ARFGEF3: variants seen among roughly 807,000 people sequenced by gnomAD.
ARFGEF3 encodes the protein brefeldin A-inhibited guanine nucleotide-exchange protein 3.
A neutral mutation model predicts 221.7 loss-of-function variants in ARFGEF3; 96 were observed. That is an observed-to-expected ratio of 0.43 (90% CI 0.37 to 0.51). The LOEUF is 0.51. Ranked by LOEUF, ARFGEF3 falls within the 20% of genes least tolerant of loss-of-function variation. The probability of loss-of-function intolerance (pLI) is 0.00; values close to 1 mark genes in which losing one functional copy is unlikely to be tolerated. For synonymous variants in ARFGEF3, 1,145 were observed against 1,126.8 expected (o/e 1.02, Z -0.32); for missense variants, 2,410 against 2,789.9 (o/e 0.86, Z 3.07).
chr6:138,199,873 CTCT>C (rs957535230), intron 2 of ARFGEF3, among the ~76,000 whole-genome samples: 2 of 152,120 alleles, frequency 1.3e-5, no homozygotes, highest in Non-Finnish European at 2.9e-5. Flanking sequence ...TTATTTCTTC[CTCT>C]TGTCTGATAG....
At chr6:138,263,707 C>T (rs1306057008) in intron 12 of ARFGEF3, 96 bp downstream of exon 12, 1 of 1,146,446 alleles carries the variant, frequency 8.7e-7, no homozygotes, top group Non-Finnish European at 1.2e-6. Flanking sequence ...TTGACGTGCT[C>T]AAAGCATATT....
Position 138,179,193 on chromosome 6 carries a change from T to C in ARFGEF3, c.137+8480T>C, listed in dbSNP as rs140620235. Among the ~76,000 whole-genome samples, 282 of 152,344 alleles carry C rather than the reference T, an allele frequency of 1.9e-3. 2 individuals are homozygous for C. Among genetic ancestry groups the C allele is most frequent in the African/African-American group, 5.9e-3 (245 of 41,576 alleles). ...CCTATCCTGTCCCAATTCAGGATTG[T>C]CTCTTTCTTCCTTCCAGGTCACTTG... On this transcript the variant is annotated intron_variant, in intron 2 of 33. Transcript: ENST00000251691.
intron 20 of ARFGEF3, among the ~76,000 whole-genome samples, chr6:138,294,650 G>A (rs951223005): frequency 7.2e-5 from 11 of 152,200 alleles, no homozygotes; most frequent in Admixed American, 6.5e-4. Context: ...CTCCAATGAG[G>A]CCAGGTGAAG....
chr6:138,279,884 C>G (rs763924200), intron 13 of ARFGEF3, 115 bp from the exon 14 acceptor site: 40 of 1,016,696 alleles, frequency 3.9e-5, no homozygotes, highest in Non-Finnish European at 5.6e-5. Flanking sequence ...TTACCCAATA[C>G]ACAAGCCTTG....
chr6:138,311,441 C>T lies in ARFGEF3; in HGVS notation c.4131C>T (p.Ala1377=). ...ACTGTAAAGAGATTGGAGACTGTGC[C>T]CCAGCACCCGGAGCCCCGTCCACAG... The part of the protein sequence containing the change: ...EVDCKEIGDC[A]PAPGAPSTDL... The change falls in exon 25 of 34, where the codon GCC becomes GCT. Residue 1377 remains alanine (A), a synonymous_variant. Coordinates refer to ENST00000251691, the MANE Select transcript of ARFGEF3 (RefSeq NM_020340.5). 1 of 1,608,652 alleles carries T rather than the reference C, an allele frequency of 6.2e-7. No homozygotes were observed.
chr6:138,176,181 ATT>A (rs3044799), intron 2 of ARFGEF3, among the ~76,000 whole-genome samples: 108 of 136,930 alleles, frequency 7.9e-4, no homozygotes, highest in African/African-American at 2.2e-3. Flanking sequence ...TGGTAGTTGG[ATT>A]TTTTTTTTTT....
intron 10 of ARFGEF3, among the ~76,000 whole-genome samples, chr6:138,260,781 T>G (rs1778777567): frequency 6.6e-6 from 1 of 151,882 alleles, no homozygotes; most frequent in South Asian, 2.1e-4. Context: ...AATAAAAATT[T>G]CAAAACAGGT....
intron 29 of ARFGEF3, among the ~76,000 whole-genome samples, chr6:138,323,067 T>C (rs968280076): frequency 1.3e-5 from 2 of 151,944 alleles, no homozygotes; most frequent in Admixed American, 6.6e-5. Flanking sequence ...AGAGGAGTGA[T>C]GGAAAATGGA....
chr6:138,314,033 TTGTC>T (rs1203309853), intron 26 of ARFGEF3, 94 bp downstream of exon 26: 12 of 1,291,622 alleles, frequency 9.3e-6, no homozygotes, highest in Middle Eastern at 1.9e-4. Context: ...CTTCTGGGAA[TTGTC>T]TTAGTCCATT....
Position 138,337,736 on chromosome 6 carries a change from G to A in ARFGEF3, c.*1250G>A, listed in dbSNP as rs1388544081. The A allele has an allele frequency of 1.3e-5, 2 of 152,060 alleles. No homozygotes were observed. Among genetic ancestry groups the A allele is most frequent in the Admixed American group, 6.5e-5 (1 of 15,274 alleles). 9.4% of individuals were successfully genotyped at this position (152,060 alleles called of 1,614,324 possible). A position where few individuals can be genotyped will look rare whatever the true frequency, so the allele number is the denominator to read the frequency against. On this transcript the variant is annotated 3_prime_UTR_variant, in exon 34 of 34. Coordinates refer to ENST00000251691, the MANE Select transcript of ARFGEF3 (RefSeq NM_020340.5). Reference sequence around the variant, plus strand: ...CAATATTTCAGGTGGATATTTCTAAGTATTACTAGAAAATACGTTTGAAAG... The same window carrying A: ...CAATATTTCAGGTGGATATTTCTAAATATTACTAGAAAATACGTTTGAAAG...
intron 11 of ARFGEF3, 108 bp from the exon 12 acceptor site, chr6:138,262,589 ACTAT>A (rs1350941219): frequency 2.1e-5 from 22 of 1,071,724 alleles, no homozygotes; most frequent in African/African-American, 4.8e-5. Context: ...TTCAAATCAG[ACTAT>A]CTGTTTTGAA....
intron 4 of ARFGEF3, among the ~76,000 whole-genome samples, chr6:138,211,993 A>G (rs1777736853): frequency 6.6e-6 from 1 of 152,242 alleles, no homozygotes; most frequent in Non-Finnish European, 1.5e-5. Context: ...AAAGAAAAAC[A>G]ATGAATCTGT....
At chr6:138,328,266 G>A in intron 32 of ARFGEF3, 124 bp downstream of exon 32, 1 of 1,199,662 alleles carries the variant, frequency 8.3e-7, no homozygotes, top group Non-Finnish European at 1.1e-6. Flanking sequence ...GAGTCATTTA[G>A]CAAAGGTTTT....
Position 138,236,298 on chromosome 6 carries a change from T to C in ARFGEF3, c.421-2211T>C, listed in dbSNP as rs73774696. Among the ~76,000 whole-genome samples, 1,191 of 152,298 alleles carry C rather than the reference T, an allele frequency of 7.8e-3. 11 individuals are homozygous for C. Among genetic ancestry groups the C allele is most frequent in the African/African-American group, 0.026 (1,090 of 41,556 alleles). On this transcript the variant is annotated intron_variant, in intron 5 of 33. Transcript: ENST00000251691. ...TGGCAGAGCTTATAGATCTTGAAGA[T>C]CAACAGTTATAAAGATTTCTGGGGA...
In ARFGEF3 at chr6:138,338,166, T is replaced by C. The variant is rs1780365392; in HGVS notation, c.*1680T>C. The stretch of plus-strand genomic sequence containing the variant: ...TCAGTTTTTACTCACTAGACAATAA[T>C]TCAAGTTTAGAAACAGGTAATCAGC... On this transcript the variant is annotated 3_prime_UTR_variant, in exon 34 of 34. Coordinates refer to ENST00000251691, the MANE Select transcript of ARFGEF3 (RefSeq NM_020340.5). 1 of 152,246 alleles carries C rather than the reference T, an allele frequency of 6.6e-6. No individual in the cohort carries two copies. Among genetic ancestry groups the C allele is most frequent in the African/African-American group, 2.4e-5 (1 of 41,464 alleles). The allele number at this position is 152,246 out of a possible 1,614,324, so 9.4% of individuals were successfully genotyped here. A position where few individuals can be genotyped will look rare whatever the true frequency, so the allele number is the denominator to read the frequency against.
At position 138,336,651 on chromosome 6, in the gene ARFGEF3, T is replaced by C. The variant is rs1780331458; in HGVS notation, c.*165T>C. ...AAGCCTTTCCAACCACTGATCAGCA[T>C]TGGGGCCATACTAAGGTTTGTATCT... On this transcript the variant is annotated 3_prime_UTR_variant, in exon 34 of 34. Transcript: ENST00000251691. The C allele has an allele frequency of 1.9e-6, 1 of 514,814 alleles. No homozygotes were observed. The highest frequency in any genetic ancestry group is 3.4e-6 in the Non-Finnish European group (1 of 296,184). The allele number at this position is 514,814 out of a possible 1,614,324, so 31.9% of individuals were successfully genotyped here.
Position 138,186,978 on chromosome 6 carries a change from C to T in ARFGEF3, c.137+16265C>T, listed in dbSNP as rs550529714. 4.2e-3 allele frequency among the ~76,000 whole-genome samples: 531 copies of T among 125,888 alleles called. 2 individuals are homozygous for T. The highest frequency in any genetic ancestry group is 0.029 in the Middle Eastern group (5 of 170). 82.6% of individuals were successfully genotyped at this position (125,888 alleles called of 152,430 possible). On this transcript the variant is annotated intron_variant, in intron 2 of 33. Coordinates refer to ENST00000251691, the MANE Select transcript of ARFGEF3 (RefSeq NM_020340.5). ...TTGCCCAGGCAGGAGTGCAATGGTG[C>T]GATCTTGGCTCACTGCAACCTCCAC...
At chr6:138,238,437 T>C (rs1375442284) in intron 5 of ARFGEF3, 72 bp from the exon 6 acceptor site, 2 of 1,517,150 alleles carry the variant, frequency 1.3e-6, no homozygotes, top group African/African-American at 2.7e-5. Flanking sequence ...TCCTCTCTGG[T>C]CAATCCCAAA....
intron 20 of ARFGEF3, among the ~76,000 whole-genome samples, chr6:138,296,119 C>T (rs534736069): frequency 5.3e-5 from 8 of 152,152 alleles, no homozygotes; most frequent in African/African-American, 1.9e-4. Flanking sequence ...CAAGAGAGCC[C>T]CGCCCTCTTG....
Sources: gnomAD v4.1 joint callset for allele counts (sites outside exome capture counted in the v4.1 genomes callset) on GRCh38, gnomAD v4.1.1 for gene constraint, MANE v1.5 for transcripts, NCBI Gene and HGNC (gene_info 2026-07-23, HGNC 2026-07-21) for gene names.